RPL37A: variants seen among roughly 807,000 people sequenced by gnomAD.
The protein encoded by RPL37A is ribosomal protein L37a.
Under a neutral mutation model 13.6 loss-of-function variants are expected in RPL37A, and 5 were observed. That is an observed-to-expected ratio of 0.37 (90% CI 0.19 to 0.78). RPL37A has a LOEUF of 0.78. Ranked by LOEUF, RPL37A falls within the 30% of genes least tolerant of loss-of-function variation. The pLI, the probability that RPL37A is intolerant of heterozygous loss-of-function variation, is 0.49. For synonymous variants in RPL37A, 50 were observed against 44.4 expected, an observed-to-expected ratio of 1.13 and a Z score of -0.50; for missense variants, 77 against 120.0, an observed-to-expected ratio of 0.64 and a Z score of 1.67.
chr2:216,501,039 C>T (rs1695590895), intron 3 of RPL37A: 1 of 214,854 alleles, frequency 4.7e-6, no homozygotes, highest in African/African-American at 2.3e-5. Flanking sequence ...AAAAAAGCAA[C>T]TCTGGTTGAG....
chr2:216,500,093 T>G, intron 3 of RPL37A, 62 bp downstream of exon 3: 1 of 1,284,046 alleles, frequency 7.8e-7, no homozygotes. Context: ...AATTCCAGGT[T>G]GCTGCTGGAT....
chr2:216,499,615 A>G (rs1695562074), intron 2 of RPL37A: 1 of 655,552 alleles, frequency 1.5e-6, no homozygotes, highest in South Asian at 2.0e-5. Flanking sequence ...TTAATGGGTA[A>G]AATAATCATT....
At position 216,503,204 on chromosome 2, in the gene RPL37A, A is replaced by G. The variant is rs921039943; in HGVS notation, c.*1800A>G. ...TCTAATGCTGCGGTTAAGAACACCA[A>G]CTTAGCCAAACTGCCTAGATAGTTG... On this transcript the variant is annotated 3_prime_UTR_variant, in exon 4 of 4. Transcript: ENST00000491306. The G allele has an allele frequency of 1.3e-5, 2 of 152,154 alleles. No homozygotes were observed. The highest frequency in any genetic ancestry group is 1.3e-4 in the Admixed American group (2 of 15,274). The allele number at this position is 152,154 out of a possible 1,614,324, so 9.4% of individuals were successfully genotyped here.
At chr2:216,498,985 T>G (rs1040113736) in intron 1 of RPL37A, 108 bp downstream of exon 1, 3 of 1,486,628 alleles carry the variant, frequency 2.0e-6, no homozygotes, top group Non-Finnish European at 2.8e-6. Flanking sequence ...TTCTCTCCTG[T>G]CTCCATGCCT....
rs1352980067 is a variant in RPL37A, at chr2:216,502,823, A to C, written c.*1419A>C. 2 of 152,114 alleles carry C rather than the reference A, an allele frequency of 1.3e-5. No homozygotes were observed. Among genetic ancestry groups the C allele is most frequent in the Non-Finnish European group, 2.9e-5 (2 of 68,026 alleles). The allele number at this position is 152,114 out of a possible 1,614,324, so 9.4% of individuals were successfully genotyped here. ...TCTTCTATAACTTGTTTTTTTGCTC[A>C]TTACTGGCCTTTGCACGGATGTCTC... On this transcript the variant is annotated 3_prime_UTR_variant, in exon 4 of 4. Transcript: ENST00000491306.
Position 216,501,659 on chromosome 2 carries a change from T to C in RPL37A, c.*255T>C. 3.1e-6 allele frequency: 1 copy of C among 320,718 alleles called. No individual in the cohort carries two copies. The highest frequency in any genetic ancestry group is 5.7e-6 in the Non-Finnish European group (1 of 175,138). The allele number at this position is 320,718 out of a possible 1,614,324, so 19.9% of individuals were successfully genotyped here. On this transcript the variant is annotated 3_prime_UTR_variant, in exon 4 of 4. Coordinates refer to ENST00000491306, the MANE Select transcript of RPL37A (RefSeq NM_000998.5). The stretch of plus-strand genomic sequence containing the variant: ...TGTTAGCTTTTTATAAGTCTGCTCC[T>C]GCCAGTTTGACTTTGAGATACATTG...
rs28365968 is a variant in RPL37A at position 216,498,915 on chromosome 2, G to C, written c.3+38G>C. 8 of 1,613,316 alleles carry C rather than the reference G, an allele frequency of 5.0e-6. No homozygotes were observed. In the African/African-American group the frequency reaches 5.3e-5, roughly 11 times the overall value. On this transcript the variant is annotated intron_variant, in intron 1 of 3. Coordinates refer to ENST00000491306, the MANE Select transcript of RPL37A (RefSeq NM_000998.5). ...CTCTGTGCGGCCTAGAACTCTATCT[G>C]CCTGCATCTGTCCTTGTTTTCTTCT... is the stretch of plus-strand genomic sequence containing the variant.
In RPL37A at chr2:216,502,444, CATT is replaced by C. The variant is rs1358434154; in HGVS notation, c.*1042_*1044del. ...AGGAAACAGTATGAAACTAATTTCACATTAAATGTTGCAAACGTCTGCAATTCT... is the reference window on the plus strand; with the variant it reads ...AGGAAACAGTATGAAACTAATTTCACAAATGTTGCAAACGTCTGCAATTCT... On this transcript the variant is annotated 3_prime_UTR_variant, in exon 4 of 4. Coordinates refer to ENST00000491306, the MANE Select transcript of RPL37A (RefSeq NM_000998.5). 1 of 152,238 alleles carries C rather than the reference CATT, an allele frequency of 6.6e-6. No homozygotes were observed. The highest frequency in any genetic ancestry group is 2.4e-5 in the African/African-American group (1 of 41,470). 9.4% of individuals were successfully genotyped at this position (152,238 alleles called of 1,614,324 possible).
rs1378238506 is a variant in RPL37A, at chr2:216,502,363, A to G, written c.*959A>G. On this transcript the variant is annotated 3_prime_UTR_variant, in exon 4 of 4. Coordinates refer to ENST00000491306, the MANE Select transcript of RPL37A (RefSeq NM_000998.5). ...GAAGGTAAAAGATATACTAAAGGAT[A>G]TACATATACTGCCTCTTCTATGATG... 3 of 152,206 alleles carry G rather than the reference A, an allele frequency of 2.0e-5. No individual in the cohort carries two copies. The South Asian group carries it at 6.2e-4, about 32-fold the overall frequency. The allele number at this position is 152,206 out of a possible 1,614,324, so 9.4% of individuals were successfully genotyped here. A position where few individuals can be genotyped will look rare whatever the true frequency, so the allele number is the denominator to read the frequency against.
Position 216,500,024 on chromosome 2 carries a change from A to G in RPL37A, c.208A>G (p.Thr70Ala), listed in dbSNP as rs769596387. 1.2e-5 allele frequency: 19 copies of G among 1,612,878 alleles called. No individual in the cohort carries two copies. The Admixed American group carries it at 1.3e-4, about 11-fold the overall frequency. Residue 70 changes from threonine to alanine, a missense_variant, in exon 3 of 4, where the codon ACG (threonine) becomes GCG (alanine). Thr to Ala is a moderately conservative substitution (Grantham distance 58). Coordinates refer to ENST00000491306, the MANE Select transcript of RPL37A (RefSeq NM_000998.5). ...CMKTVAGGAW[T>A]YNTTSAVTVK... is the part of the protein sequence containing the mutation. ...GAAGACAGTGGCTGGCGGTGCCTGG[A>G]CGTACAAGTGAGTCTAGTTCCTTGT...
intron 3 of RPL37A, 48 bp downstream of exon 3, chr2:216,500,079 C>T (rs1157874172): frequency 6.8e-7 from 1 of 1,473,410 alleles, no homozygotes. Context: ...ACCACATAGG[C>T]CCAAATTCCA....
rs561015864 is a variant in RPL37A, at chr2:216,503,324, A to T, written c.*1920A>T. 6 of 152,302 alleles carry T rather than the reference A, an allele frequency of 3.9e-5. No individual in the cohort carries two copies. Among genetic ancestry groups the T allele is most frequent in the Admixed American group, 3.3e-4 (5 of 15,292 alleles). 9.4% of individuals were successfully genotyped at this position (152,302 alleles called of 1,614,324 possible). A position where few individuals can be genotyped will look rare whatever the true frequency, so the allele number is the denominator to read the frequency against. ...GTATATGCTGGGTGTTTGGATTATT[A>T]ATTTGGAGTCTTACAAAGCTGCTAT... On this transcript the variant is annotated 3_prime_UTR_variant, in exon 4 of 4. Transcript: ENST00000491306.
At chr2:216,499,629 C>T (rs1014502196) in intron 2 of RPL37A, 4 of 638,658 alleles carry the variant, frequency 6.3e-6, no homozygotes, top group East Asian at 5.6e-5. Flanking sequence ...AATCATTTGA[C>T]AGAGTGCCCC....
intron 1 of RPL37A, 71 bp from the exon 2 acceptor site, chr2:216,499,198 AC>A: frequency 6.6e-7 from 1 of 1,520,256 alleles, no homozygotes; most frequent in East Asian, 2.3e-5. Context: ...AGGTGGAGGA[AC>A]GGTGTGTGGA....
intron 1 of RPL37A, 123 bp from the exon 2 acceptor site, chr2:216,499,147 A>G (rs1695552272): frequency 6.1e-6 from 8 of 1,304,282 alleles, no homozygotes; most frequent in Non-Finnish European, 8.5e-6. Flanking sequence ...TTTAGGGAAA[A>G]CTAGGTCATA....
chr2:216,500,032 G>A lies in RPL37A; in HGVS notation c.215+1G>A. 6.2e-7 allele frequency: 1 copy of A among 1,611,858 alleles called. No homozygotes were observed. Among genetic ancestry groups the A allele is most frequent in the Non-Finnish European group, 8.5e-7 (1 of 1,179,010 alleles). On this transcript the variant is annotated splice_donor_variant, in intron 3 of 3. Transcript: ENST00000491306. LOFTEE classifies it high-confidence loss of function. ...TGGCTGGCGGTGCCTGGACGTACAA[G>A]TGAGTCTAGTTCCTTGTGGTATTTG...
chr2:216,502,887 A>G lies in RPL37A; in HGVS notation c.*1483A>G, dbSNP rs549593038. The G allele has an allele frequency of 1.3e-5, 2 of 152,304 alleles. No homozygotes were observed. Among genetic ancestry groups the G allele is most frequent in the African/African-American group, 4.8e-5 (2 of 41,566 alleles). The allele number at this position is 152,304 out of a possible 1,614,324, so 9.4% of individuals were successfully genotyped here. On this transcript the variant is annotated 3_prime_UTR_variant, in exon 4 of 4. Transcript: ENST00000491306. ...CTCCTGCATTGCCTCTGGCAGAAACATCGCTACCCCAGGAGAATACTTCAC... is the reference window on the plus strand; with the variant it reads ...CTCCTGCATTGCCTCTGGCAGAAACGTCGCTACCCCAGGAGAATACTTCAC...
rs80082764 is a variant in RPL37A at position 216,499,045 on chromosome 2, C to T, written c.3+168C>T. On this transcript the variant is annotated intron_variant, in intron 1 of 3. Coordinates refer to ENST00000491306, the MANE Select transcript of RPL37A (RefSeq NM_000998.5). ...GCTCCCCAAGGCGGAGGGGCGGGGGCGCCTTGGCTGGGCCTGGCGCGCTCC... is the reference window on the plus strand; with the variant it reads ...GCTCCCCAAGGCGGAGGGGCGGGGGTGCCTTGGCTGGGCCTGGCGCGCTCC... 3,215 of 1,227,798 alleles carry T rather than the reference C, an allele frequency of 2.6e-3. 60 individuals carry two copies. The African/African-American group carries it at 0.043, about 16-fold the overall frequency. The allele number at this position is 1,227,798 out of a possible 1,614,324, so 76.1% of individuals were successfully genotyped here.
In RPL37A at chr2:216,503,164, A is replaced by G. The variant is rs192093687; in HGVS notation, c.*1760A>G. On this transcript the variant is annotated 3_prime_UTR_variant, in exon 4 of 4. Coordinates refer to ENST00000491306, the MANE Select transcript of RPL37A (RefSeq NM_000998.5). The stretch of plus-strand genomic sequence containing the variant: ...ATTTCATGTAAGCATAGGGAATTGA[A>G]TGAGCATTAGATGGTCTAATGCTGC... 6.6e-6 allele frequency: 1 copy of G among 152,316 alleles called. No individual in the cohort carries two copies. The highest frequency in any genetic ancestry group is 1.9e-4 in the East Asian group (1 of 5,182). The allele number at this position is 152,316 out of a possible 1,614,324, so 9.4% of individuals were successfully genotyped here.
Sources: allele counts gnomAD v4.1 joint callset, GRCh38; gene constraint gnomAD v4.1.1; transcripts MANE v1.5; gene names NCBI Gene and HGNC (gene_info 2026-07-23, HGNC 2026-07-21).